Variants in TNRC18 observed in about 807,000 individuals in gnomAD.
The protein encoded by TNRC18 is trinucleotide repeat containing 18.
A neutral mutation model predicts 226.7 loss-of-function variants in TNRC18; 69 were observed. The ratio of observed to expected loss-of-function variants is 0.30; its 90% CI spans 0.25 to 0.37. The LOEUF (loss-of-function observed/expected upper bound fraction) is 0.37, where lower values mean the gene tolerates loss of function less well. Among genes scored for constraint, TNRC18 ranks in the 10% least tolerant of loss-of-function variants. The pLI is 1.00. For synonymous variants in TNRC18, 2,449 were observed against 1,927.6 expected, an observed-to-expected ratio of 1.27 and a Z score of -7.09; for missense variants, 4,754 against 4,256.6, an observed-to-expected ratio of 1.12 and a Z score of -3.25.
Position 5,324,386 on chromosome 7 carries a change from T to C in TNRC18, c.6301-31A>G, listed in dbSNP as rs777852112. ...GACAGAACATGGCCGACAAATGACT[T>C]AGGACCTGAACAGGGGTCCTGCCGG... On this transcript the variant is annotated intron_variant, in intron 20 of 29. Transcript: ENST00000430969. The surrounding 1 kb of genome is among the most constrained non-coding windows in gnomAD (Gnocchi z 4.8). 2.7e-5 allele frequency: 43 copies of C among 1,610,840 alleles called. No individual in the cohort carries two copies. Among genetic ancestry groups the C allele is most frequent in the Non-Finnish European group, 3.3e-5 (39 of 1,179,176 alleles).
chr7:5,418,103 A>C (rs1782303850), intron 2 of TNRC18, among the ~76,000 whole-genome samples: 1 of 152,210 alleles, frequency 6.6e-6, no homozygotes, highest in South Asian at 2.1e-4. Context: ...CAGGGAGAAT[A>C]AACATCCAAG....
rs1353002008 is a variant in TNRC18 at position 5,376,070 on chromosome 7, G to A, written c.2763C>T (p.Ala921=). 2.5e-6 allele frequency: 4 copies of A among 1,597,430 alleles called. No individual in the cohort carries two copies. Among genetic ancestry groups the A allele is most frequent in the Middle Eastern group, 1.8e-4 (1 of 5,406 alleles). The change falls in exon 9 of 30, where the codon GCC becomes GCT. Residue 921 remains alanine (A), a synonymous_variant. Transcript: ENST00000430969. ...CGCTCCTCTGCAGTTCCAAGGCCTG[G>A]GCCGCCTGCTGCTGCAGGTACAGGA... The part of the protein sequence containing the change: ...QEFLYLQQQA[A]QALELQRSAQ...
At position 5,374,381 on chromosome 7, in the gene TNRC18, G is replaced by A; in HGVS notation, c.2903C>T (p.Pro968Leu). Reference sequence around the variant, plus strand: ...AGGGGGCTTCCGCGGCAGCAGCCCGGGGCCGGCGGTGGCCAGGCCAGCCTT... The same window carrying A: ...AGGGGGCTTCCGCGGCAGCAGCCCGAGGCCGGCGGTGGCCAGGCCAGCCTT... ...AGKAGLATAG[P>L]GLLPRKPPGL... The change falls in exon 10 of 30, where the codon CCC becomes CTC. Residue 968 changes from proline to leucine, a missense_variant. Pro to Leu is a moderately conservative substitution (Grantham distance 98). Transcript: ENST00000430969. 1.3e-6 allele frequency: 2 copies of A among 1,508,324 alleles called. No individual in the cohort carries two copies. The highest frequency in any genetic ancestry group is 2.7e-5 in the East Asian group (1 of 36,490). The allele number at this position is 1,508,324 out of a possible 1,614,324, so 93.4% of individuals were successfully genotyped here.
At position 5,313,383 on chromosome 7, in the gene TNRC18, C is replaced by T. The variant is rs778335529; in HGVS notation, c.7508G>A (p.Ser2503Asn). Residue 2503 changes from serine to asparagine, a missense_variant, in exon 27 of 30, where the codon AGC becomes AAC. By Grantham distance (46) the Ser-to-Asn change is conservative. Transcript: ENST00000430969. The stretch of plus-strand genomic sequence containing the variant: ...GCTGCTGCCGGCCGCGGGGGGATAG[C>T]TGCCCAGGCTCAGGAGGCTCTTGGG... ...QEPKSLLSLG[S>N]YPPAAGSSEP... 3 of 1,588,358 alleles carry T rather than the reference C, an allele frequency of 1.9e-6. No homozygotes were observed. The highest frequency in any genetic ancestry group is 2.2e-4 in the Middle Eastern group (1 of 4,598).
chr7:5,387,369 A>G (rs1691518447), intron 5 of TNRC18, among the ~76,000 whole-genome samples: 1 of 152,222 alleles, frequency 6.6e-6, no homozygotes. Context: ...ATATTTGTCT[A>G]TTCCCAAGAC....
At position 5,416,973 on chromosome 7, in the gene TNRC18, C is replaced by A. The variant is rs538946789; in HGVS notation, c.187+4087G>T. The stretch of plus-strand genomic sequence containing the variant: ...ACTCATCCTGGTTGACAGAGTAAAA[C>A]CCTGTCTCTTAAAAAAAAAATTTTT... On this transcript the variant is annotated intron_variant, in intron 2 of 29. Transcript: ENST00000430969. 1.9e-4 allele frequency among the ~76,000 whole-genome samples: 14 copies of A among 73,058 alleles called. No individual in the cohort carries two copies. In the South Asian group the frequency reaches 6.7e-3, roughly 35 times the overall value. 47.9% of individuals were successfully genotyped at this position (73,058 alleles called of 152,430 possible). A position where few individuals can be genotyped will look rare whatever the true frequency, so the allele number is the denominator to read the frequency against.
intron 12 of TNRC18, 41 bp from the exon 13 acceptor site, chr7:5,362,074 C>T (rs1354353588): frequency 1.9e-6 from 3 of 1,601,698 alleles, no homozygotes; most frequent in Admixed American, 1.7e-5. Flanking sequence ...GTGAGGATGC[C>T]ACTGCCTAAC....
chr7:5,371,002 C>T lies in TNRC18; in HGVS notation c.3592G>A (p.Gly1198Ser), dbSNP rs200433004. ...ATPSPAGGCG[G>S]GLLEAQALSA... The stretch of plus-strand genomic sequence containing the variant: ...AGCGCCTGGGCCTCCAACAGGCCAC[C>T]TCCACAACCCCCTGCAGGGCTGGGG... Residue 1198 changes from glycine to serine, a missense_variant, in exon 11 of 30, where the codon GGT (glycine) becomes AGT (serine). By Grantham distance (56) the Gly-to-Ser change is moderately conservative. Coordinates refer to ENST00000430969, the MANE Select transcript of TNRC18 (RefSeq NM_001080495.3). The T allele has an allele frequency of 1.9e-6, 3 of 1,607,624 alleles. No individual in the cohort carries two copies. Among genetic ancestry groups the T allele is most frequent in the East Asian group, 4.5e-5 (2 of 44,882 alleles).
At chr7:5,406,219 C>T (rs1345795360) in intron 2 of TNRC18, among the ~76,000 whole-genome samples, 2 of 152,174 alleles carry the variant, frequency 1.3e-5, no homozygotes, top group Non-Finnish European at 2.9e-5. Flanking sequence ...AATCCCAGCA[C>T]TTTGGGAGGC....
chr7:5,321,983 T>C (rs1788415811), intron 21 of TNRC18, among the ~76,000 whole-genome samples: 2 of 151,910 alleles, frequency 1.3e-5, no homozygotes, highest in Non-Finnish European at 2.9e-5. Context: ...TTTCTTTTTT[T>C]TAATAATTTT....
Position 5,315,115 on chromosome 7 carries a change from C to G in TNRC18, c.6896G>C (p.Ser2299Thr), listed in dbSNP as rs1787717355. 3.1e-6 allele frequency: 5 copies of G among 1,613,056 alleles called. No homozygotes were observed. The East Asian group carries it at 6.7e-5, about 22-fold the overall frequency. The change falls in exon 26 of 30, where the codon AGT (serine) becomes ACT (threonine). Residue 2299 changes from serine (S) to threonine (T), a missense_variant. By Grantham distance (58) the Ser-to-Thr change is moderately conservative. Transcript: ENST00000430969. ...GGTCTTCCGGCTGCGGCGCTTGGCA[C>G]TTGGCACCAGAAGGGCCGGGGACGG... ...AEPSPALLVPSAKRRSRKTSK... is the reference protein window; with the variant it reads ...AEPSPALLVPTAKRRSRKTSK...
At chr7:5,374,596 G>C in intron 9 of TNRC18, 112 bp from the exon 10 acceptor site, 1 of 1,141,524 alleles carries the variant, frequency 8.8e-7, no homozygotes, top group Non-Finnish European at 1.2e-6. Context: ...ACCTCATGCA[G>C]GGCCTGGGGT....
Position 5,313,086 on chromosome 7 carries a change from C to T in TNRC18, c.7805G>A (p.Cys2602Tyr). 7.8e-7 allele frequency: 1 copy of T among 1,286,366 alleles called. No homozygotes were observed. The highest frequency in any genetic ancestry group is 1.5e-5 in the African/African-American group (1 of 68,194). 79.7% of individuals were successfully genotyped at this position (1,286,366 alleles called of 1,614,324 possible). ...DGGCGTGGRN[C>Y]SAASSRAASP... ...GGCCGCCCTGGAGCTGGCAGCGCTG[C>T]AGTTACGGCCCCCGGTGCCGCAGCC... Residue 2602 changes from cysteine to tyrosine, a missense_variant, in exon 27 of 30, where the codon TGC becomes TAC. Coordinates refer to ENST00000430969, the MANE Select transcript of TNRC18 (RefSeq NM_001080495.3).
chr7:5,365,666 C>T (rs771733316), intron 11 of TNRC18, among the ~76,000 whole-genome samples: 24 of 152,098 alleles, frequency 1.6e-4, no homozygotes, highest in African/African-American at 5.1e-4. Context: ...GTTGCCCGGG[C>T]GGGTCTTAAA....
rs1220604268 is a variant in TNRC18, at chr7:5,312,861, G to A, written c.8030C>T (p.Ser2677Phe). ...TGCCTCATCGTCCGAGCTGCAGGAA[G>A]AGTCCTCGTCTGTGGTGGAGGAAGA... ...SSSSSTTDED[S>F]SCSSDDEAAP... The change falls in exon 27 of 30, where the codon TCT becomes TTT. Residue 2677 changes from serine (S) to phenylalanine (F), a missense_variant. Ser to Phe is a radical substitution (Grantham distance 155). Coordinates refer to ENST00000430969, the MANE Select transcript of TNRC18 (RefSeq NM_001080495.3). The surrounding 1 kb of genome is among the most constrained non-coding windows in gnomAD (Gnocchi z 6.3). The A allele has an allele frequency of 6.6e-7, 1 of 1,525,860 alleles. No homozygotes were observed. Among genetic ancestry groups the A allele is most frequent in the African/African-American group, 1.4e-5 (1 of 73,310 alleles). 94.5% of individuals were successfully genotyped at this position (1,525,860 alleles called of 1,614,324 possible).
chr7:5,389,444 C>T, intron 4 of TNRC18, 108 bp from the exon 5 acceptor site: 1 of 860,260 alleles, frequency 1.2e-6, no homozygotes, highest in Non-Finnish European at 1.4e-6. Flanking sequence ...CATGCCTCCC[C>T]CAGTGTTTTG....
chr7:5,329,488 A>G (rs1282725766), intron 19 of TNRC18, among the ~76,000 whole-genome samples: 1 of 151,792 alleles, frequency 6.6e-6, no homozygotes, highest in African/African-American at 2.4e-5. Flanking sequence ...GTTCAAGATC[A>G]GCCTGACCAA....
At chr7:5,372,068 T>C (rs992426806) in intron 10 of TNRC18, among the ~76,000 whole-genome samples, 13 of 121,078 alleles carry the variant, frequency 1.1e-4, no homozygotes. Context: ...CGCGCCTGGC[T>C]AATTTTTTTT....
At chr7:5,327,258 G>GA (rs1789007463) in intron 19 of TNRC18, among the ~76,000 whole-genome samples, 1 of 152,160 alleles carries the variant, frequency 6.6e-6, no homozygotes, top group African/African-American at 2.4e-5. Context: ...TATCCAAAAT[G>GA]AAAGTCAAAG....
Sources: gnomAD v4.1 joint callset for allele counts (sites outside exome capture counted in the v4.1 genomes callset) on GRCh38, gnomAD v4.1.1 for gene constraint, Gnocchi (gnomAD v3.1) non-coding constraint, MANE v1.5 for transcripts, NCBI Gene and HGNC (gene_info 2026-07-23, HGNC 2026-07-21) for gene names.